WWOX: variants seen among roughly 807,000 people sequenced by gnomAD.
WWOX encodes WW domain containing oxidoreductase.
In WWOX, 69 loss-of-function variants were observed where a neutral mutation model predicts 46.2. That is an observed-to-expected ratio of 1.49 (90% CI 1.23 to 1.82). The LOEUF (loss-of-function observed/expected upper bound fraction) is 1.82. Ranked by LOEUF, WWOX falls within the 40% of genes most tolerant of loss-of-function variation. The pLI, the probability that WWOX is intolerant of heterozygous loss-of-function variation, is 0.00. For synonymous variants in WWOX, 359 were observed against 202.6 expected, an observed-to-expected ratio of 1.77 and a Z score of -6.56; for missense variants, 919 against 542.6, an observed-to-expected ratio of 1.69 and a Z score of -6.89.
chr16:79,008,029 A>T (rs1316393657), intron 8 of WWOX, among the ~76,000 whole-genome samples: 1 of 152,182 alleles, frequency 6.6e-6, no homozygotes, highest in African/African-American at 2.4e-5. Flanking sequence ...TCAGGCTGGG[A>T]CTTCTGCTCA....
At chr16:78,688,978 C>G (rs1470077130) in intron 8 of WWOX, among the ~76,000 whole-genome samples, 1 of 152,178 alleles carries the variant, frequency 6.6e-6, no homozygotes, top group Non-Finnish European at 1.5e-5. Flanking sequence ...TGTTTGCTTT[C>G]CCTTCCACCA....
chr16:79,051,283 C>A (rs947564456), intron 8 of WWOX, among the ~76,000 whole-genome samples: 1 of 152,134 alleles, frequency 6.6e-6, no homozygotes, highest in South Asian at 2.1e-4. Flanking sequence ...TTGCATCATG[C>A]GCAGGAGACC....
chr16:78,866,354 A>C (rs1240317584), intron 8 of WWOX, among the ~76,000 whole-genome samples: 1 of 152,100 alleles, frequency 6.6e-6, no homozygotes, highest in Non-Finnish European at 1.5e-5. Context: ...GACATGATTA[A>C]CTTGCAATAA....
At chr16:78,849,616 G>C (rs1260195499) in intron 8 of WWOX, among the ~76,000 whole-genome samples, 2 of 148,528 alleles carry the variant, frequency 1.3e-5, no homozygotes, top group East Asian at 3.9e-4. Flanking sequence ...ACCACATTTT[G>C]AGATAGGCCT....
At chr16:78,803,745 C>T (rs987940342) in intron 8 of WWOX, among the ~76,000 whole-genome samples, 4 of 152,154 alleles carry the variant, frequency 2.6e-5, no homozygotes, top group Non-Finnish European at 5.9e-5. Context: ...AGGCATGACC[C>T]ATCGTGTCCA....
At chr16:78,541,193 G>GGCC (rs1422344257) in intron 8 of WWOX, among the ~76,000 whole-genome samples, 1 of 151,912 alleles carries the variant, frequency 6.6e-6, no homozygotes, top group Non-Finnish European at 1.5e-5. Context: ...AGACACGTAC[G>GGCC]GCCGGGCGCG....
At chr16:79,067,685 C>G (rs770777683) in intron 8 of WWOX, among the ~76,000 whole-genome samples, 40 of 151,910 alleles carry the variant, frequency 2.6e-4, no homozygotes, top group Admixed American at 2.0e-4. Context: ...TTGTGCATTT[C>G]AGGTTGGTCT....
chr16:78,807,322 G>A (rs1414832395), intron 8 of WWOX, among the ~76,000 whole-genome samples: 2 of 152,206 alleles, frequency 1.3e-5, no homozygotes, highest in Non-Finnish European at 2.9e-5. Context: ...AGTGTTTACA[G>A]ATGCCAGTGA....
chr16:78,190,491 C>A (rs2035851405), intron 5 of WWOX, among the ~76,000 whole-genome samples: 1 of 152,200 alleles, frequency 6.6e-6, no homozygotes, highest in African/African-American at 2.4e-5. Flanking sequence ...TCTCCAAAGG[C>A]TATGCCTGCT....
chr16:78,940,761 T>A lies in WWOX; in HGVS notation c.1057-270847T>A, dbSNP rs74507243. Among the ~76,000 whole-genome samples the A allele has an allele frequency of 4.2e-3, 643 of 151,852 alleles. 1 individual carries two copies. Among genetic ancestry groups the A allele is most frequent in the African/African-American group, 0.015 (613 of 41,354 alleles). ...TTTTTCCCTTTCAGTATTCATGACG[T>A]CAAGTCCCTGTTTGTTATCTTATTG... is the stretch of plus-strand genomic sequence containing the variant. On this transcript the variant is annotated intron_variant, in intron 8 of 8. Transcript: ENST00000566780.
chr16:78,912,788 C>T (rs2045145087), intron 8 of WWOX, among the ~76,000 whole-genome samples: 1 of 151,848 alleles, frequency 6.6e-6, no homozygotes, highest in African/African-American at 2.4e-5. Context: ...TGTAATTAGC[C>T]AATAAGGGAG....
At chr16:78,655,720 G>T (rs79798128) in intron 8 of WWOX, among the ~76,000 whole-genome samples, 6,307 of 152,244 alleles carry the variant, frequency 0.041, 194 homozygotes, top group Middle Eastern at 0.1. Context: ...TTTCCTGGCT[G>T]TGGTTCCTAT....
At chr16:78,864,853 C>A (rs1343237734) in intron 8 of WWOX, among the ~76,000 whole-genome samples, 1 of 149,658 alleles carries the variant, frequency 6.7e-6, no homozygotes, top group Non-Finnish European at 1.5e-5. Flanking sequence ...ACATCCACCT[C>A]CCGGGTTCAA....
chr16:78,737,418 T>G (rs2049116893), intron 8 of WWOX, among the ~76,000 whole-genome samples: 1 of 152,078 alleles, frequency 6.6e-6, no homozygotes, highest in African/African-American at 2.4e-5. Context: ...ATTACAGGTG[T>G]GAGCCACAAT....
chr16:78,651,498 G>A (rs919439919), intron 8 of WWOX, among the ~76,000 whole-genome samples: 1 of 152,232 alleles, frequency 6.6e-6, no homozygotes, highest in Non-Finnish European at 1.5e-5. Context: ...TGGTATCAAA[G>A]ATGGGCTGGC....
At chr16:78,146,307 C>T (rs1222152966) in intron 4 of WWOX, among the ~76,000 whole-genome samples, 5 of 152,286 alleles carry the variant, frequency 3.3e-5, no homozygotes, top group Admixed American at 3.3e-4. Context: ...CTCTTTCTCT[C>T]TCTGTTTCTC....
chr16:79,210,553 C>G (rs1358453972), intron 8 of WWOX, among the ~76,000 whole-genome samples: 1 of 152,156 alleles, frequency 6.6e-6, no homozygotes, highest in East Asian at 1.9e-4. Flanking sequence ...TTTTCCGGTC[C>G]TCTCTTGCAA....
chr16:78,285,721 G>A (rs1231001875), intron 5 of WWOX, among the ~76,000 whole-genome samples: 4 of 152,132 alleles, frequency 2.6e-5, no homozygotes, highest in Non-Finnish European at 4.4e-5. Flanking sequence ...CGGCCCATAT[G>A]TGCAGCAACC....
At chr16:79,183,369 C>G (rs893463442) in intron 8 of WWOX, among the ~76,000 whole-genome samples, 3 of 152,244 alleles carry the variant, frequency 2.0e-5, no homozygotes, top group African/African-American at 4.8e-5. Context: ...AAAGAAGATG[C>G]ATTTTGTCAG....
Sources: allele counts gnomAD v4.1 joint callset (sites outside exome capture counted in the v4.1 genomes callset), GRCh38; gene constraint gnomAD v4.1.1; transcripts MANE v1.5; gene names NCBI Gene and HGNC (gene_info 2026-07-23, HGNC 2026-07-21).